The following NMUR1 variants were observed in gnomAD, a reference collection of about 807,000 sequenced individuals.
NMUR1 encodes neuromedin U receptor 1, also known as neuromedin-U receptor 1.
NMUR1 carries 16 observed loss-of-function variants against 18.8 expected under a neutral mutation model. That is an observed-to-expected ratio of 0.85 (90% CI 0.58 to 1.29). The LOEUF (loss-of-function observed/expected upper bound fraction) is 1.29, where lower values mean the gene tolerates loss of function less well. Among genes scored for constraint, NMUR1 ranks in the 50% most tolerant of loss-of-function variants. The pLI is 0.00. For missense variants in NMUR1, 529 were observed against 580.3 expected, an observed-to-expected ratio of 0.91 and a Z score of 0.91; for synonymous variants, 258 against 258.2, an observed-to-expected ratio of 1.00 and a Z score of 0.01.
intron 2 of NMUR1, among the ~76,000 whole-genome samples, chr2:231,527,206 C>T (rs924587252): frequency 6.6e-6 from 1 of 152,162 alleles, no homozygotes; most frequent in Non-Finnish European, 1.5e-5. Context: ...TGGGGCATGA[C>T]CTAGGCCACG....
At position 231,530,286 on chromosome 2, in the gene NMUR1, A is replaced by T. The variant is rs2047401856; in HGVS notation, c.3+73T>A. On this transcript the variant is annotated intron_variant, in intron 1 of 2. Coordinates refer to ENST00000305141, the MANE Select transcript of NMUR1 (RefSeq NM_006056.5). ...GGAGCCCTCGGACCCTTCCCGCCCT[A>T]GGACGACCCTGCCCGCACCGAGCCC... is the stretch of plus-strand genomic sequence containing the variant. The T allele has an allele frequency of 4.7e-6, 7 of 1,487,236 alleles. No homozygotes were observed. The African/African-American group carries it at 7.3e-5, about 16-fold the overall frequency. The allele number at this position is 1,487,236 out of a possible 1,614,324, so 92.1% of individuals were successfully genotyped here.
Position 231,528,902 on chromosome 2 carries a change from A to G in NMUR1, c.119T>C (p.Leu40Ser), listed in dbSNP as rs1235769601. 1 of 1,614,036 alleles carries G rather than the reference A, an allele frequency of 6.2e-7. No individual in the cohort carries two copies. The highest frequency in any genetic ancestry group is 1.7e-5 in the Admixed American group (1 of 60,004). Residue 40 changes from leucine to serine, a missense_variant, in exon 2 of 3, where the codon TTG becomes TCG. Coordinates refer to ENST00000305141, the MANE Select transcript of NMUR1 (RefSeq NM_006056.5). ...AARGHFDPED[L>S]NLTDEALRLK... ...TCTCAGTGCCTCGTCAGTCAGGTTC[A>G]AGTCCTCAGGGTCAAAGTGCCCCCT...
chr2:231,528,695 A>G lies in NMUR1; in HGVS notation c.326T>C (p.Val109Ala), dbSNP rs748303060. Residue 109 changes from valine (V) to alanine (A), a missense_variant, in exon 2 of 3, where the codon GTG becomes GCG. Transcript: ENST00000305141. ...LFSLAVSDLL[V>A]LLVGLPLELY... ...CTCCAGGGGCAGGCCCACCAGCAGC[A>G]CCAGCAGGTCCGACACGGCCAGGCT... 19 of 1,614,096 alleles carry G rather than the reference A, an allele frequency of 1.2e-5. No homozygotes were observed. Among genetic ancestry groups the G allele is most frequent in the Non-Finnish European group, 1.6e-5 (19 of 1,180,026 alleles).
Position 231,524,162 on chromosome 2 carries a change from C to T in NMUR1, c.*881G>A, listed in dbSNP as rs2047331025. The T allele has an allele frequency of 6.6e-6, 1 of 152,262 alleles. No individual in the cohort carries two copies. Among genetic ancestry groups the T allele is most frequent in the South Asian group, 2.1e-4 (1 of 4,834 alleles). The allele number at this position is 152,262 out of a possible 1,614,324, so 9.4% of individuals were successfully genotyped here. ...TTTATTATAAGCAGTGGCTTACACA[C>T]ACACAGAAAGAAAACCATAGCTAAA... On this transcript the variant is annotated 3_prime_UTR_variant, in exon 3 of 3. Transcript: ENST00000305141.
Position 231,528,772 on chromosome 2 carries a change from C to G in NMUR1, c.249G>C (p.Leu83=). ...VGAVGNGLTC[L]VILRHKAMRT... ...GCATGGCCTTGTGGCGCAGGATGAC[C>G]AGACAGGTCAGCCCATTGCCCACAG... is the stretch of plus-strand genomic sequence containing the variant. The change falls in exon 2 of 3, where the codon CTG becomes CTC. Residue 83 remains leucine (L), a synonymous_variant. Coordinates refer to ENST00000305141, the MANE Select transcript of NMUR1 (RefSeq NM_006056.5). The G allele has an allele frequency of 6.2e-7, 1 of 1,614,220 alleles. No homozygotes were observed. Among genetic ancestry groups the G allele is most frequent in the Middle Eastern group, 1.6e-4 (1 of 6,062 alleles).
rs1304966754 is a variant in NMUR1 at position 231,528,932 on chromosome 2, G to A, written c.89C>T (p.Ala30Val). 8.7e-6 allele frequency: 14 copies of A among 1,613,948 alleles called. No homozygotes were observed. In the Middle Eastern group the frequency reaches 4.9e-4, roughly 57 times the overall value. Reference protein sequence around the residue: ...ARNPMACNGSAARGHFDPEDL... With the variant: ...ARNPMACNGSVARGHFDPEDL... Reference sequence around the variant, plus strand: ...CTCAGGGTCAAAGTGCCCCCTGGCCGCACTGCCATTGCAAGCCATGGGGTT... The same window carrying A: ...CTCAGGGTCAAAGTGCCCCCTGGCCACACTGCCATTGCAAGCCATGGGGTT... The change falls in exon 2 of 3, where the codon GCG (alanine) becomes GTG (valine). Residue 30 changes from alanine (A) to valine (V), a missense_variant. Coordinates refer to ENST00000305141, the MANE Select transcript of NMUR1 (RefSeq NM_006056.5).
chr2:231,528,984 CAGGG>C lies in NMUR1; in HGVS notation c.33_36del (p.Pro12GlufsTer28). 1 of 1,612,504 alleles carries C rather than the reference CAGGG, an allele frequency of 6.2e-7. No homozygotes were observed. ...CTTGCACCCCCTGGGTACAGGTCTC[CAGGG>C]AGGACAGAGCAATTGAGGCAGAGAG... On this transcript the variant is annotated frameshift_variant, in exon 2 of 3. Transcript: ENST00000305141. LOFTEE classifies it high-confidence loss of function.
rs139422374 is a variant in NMUR1, at chr2:231,528,811, G to C, written c.210C>G (p.Ile70Met). Residue 70 changes from isoleucine (I) to methionine (M), a missense_variant, in exon 2 of 3, where the codon ATC (isoleucine) becomes ATG (methionine). Coordinates refer to ENST00000305141, the MANE Select transcript of NMUR1 (RefSeq NM_006056.5). ...CATTGCCCACAGCGCCCACCACGAAGATCAGCAGGTATGTGGCACAGATGG... is the reference window on the plus strand; with the variant it reads ...CATTGCCCACAGCGCCCACCACGAACATCAGCAGGTATGTGGCACAGATGG... The part of the protein sequence containing the change: ...FMPICATYLL[I>M]FVVGAVGNGL... 4.6e-5 allele frequency: 75 copies of C among 1,614,242 alleles called. No individual in the cohort carries two copies. The African/African-American group carries it at 5.5e-4, about 12-fold the overall frequency.
In NMUR1 at chr2:231,525,557, G is replaced by A. The variant is rs917534721; in HGVS notation, c.899-132C>T. On this transcript the variant is annotated intron_variant, in intron 2 of 2. Transcript: ENST00000305141. The stretch of plus-strand genomic sequence containing the variant: ...GCCACCCTCACCTATCACCCAGGTG[G>A]AAGTTTCTGGAAATTTGCCTGTTCT... The A allele has an allele frequency of 7.6e-6, 8 of 1,059,366 alleles. No individual in the cohort carries two copies. The Middle Eastern group carries it at 9.5e-4, about 126-fold the overall frequency. The allele number at this position is 1,059,366 out of a possible 1,614,324, so 65.6% of individuals were successfully genotyped here. A position where few individuals can be genotyped will look rare whatever the true frequency, so the allele number is the denominator to read the frequency against.
At chr2:231,520,967 G>A (rs965574966), downstream of NMUR1, among the ~76,000 whole-genome samples, 7 of 152,208 alleles carry the variant, frequency 4.6e-5, no homozygotes, top group African/African-American at 7.2e-5. Flanking sequence ...CCTCAGGAAC[G>A]CTGGCAGAGT....
downstream of NMUR1, among the ~76,000 whole-genome samples, chr2:231,521,691 G>T (rs901402466): frequency 6.6e-6 from 1 of 152,160 alleles, no homozygotes; most frequent in Non-Finnish European, 1.5e-5. Flanking sequence ...GTCGGAAGGG[G>T]AGGTGACTTG....
downstream of NMUR1, among the ~76,000 whole-genome samples, chr2:231,521,191 C>G (rs1211678459): frequency 6.6e-6 from 1 of 152,162 alleles, no homozygotes; most frequent in Non-Finnish European, 1.5e-5. Flanking sequence ...GCCTGGGCAA[C>G]ATGGCGAGAC....
rs149953749 is a variant in NMUR1, at chr2:231,525,322, G to A, written c.1002C>T (p.Phe334=). The A allele has an allele frequency of 1.9e-6, 3 of 1,614,032 alleles. No homozygotes were observed. In the African/African-American group the frequency reaches 4.0e-5, roughly 22 times the overall value. ...TGCCGGAGATGACGTGCACGTGCTG[G>A]AAGGCCAGGTGCAGGCCATCTGTCC... ...SQWTDGLHLA[F]QHVHVISGIF... The change falls in exon 3 of 3, where the codon TTC becomes TTT. Residue 334 remains phenylalanine, a synonymous_variant. Coordinates refer to ENST00000305141, the MANE Select transcript of NMUR1 (RefSeq NM_006056.5).
In NMUR1 at chr2:231,524,482, G is replaced by A. The variant is rs1312886070; in HGVS notation, c.*561C>T. ...AGGCAGGAGAATCGCTTGAACCCCG[G>A]AGGCGGAGGTTGCAGTGAGCCAAAA... On this transcript the variant is annotated 3_prime_UTR_variant, in exon 3 of 3. Coordinates refer to ENST00000305141, the MANE Select transcript of NMUR1 (RefSeq NM_006056.5). 1.3e-5 allele frequency: 2 copies of A among 152,468 alleles called. No homozygotes were observed. The highest frequency in any genetic ancestry group is 2.9e-5 in the Non-Finnish European group (2 of 68,218). 9.4% of individuals were successfully genotyped at this position (152,468 alleles called of 1,614,324 possible). A position where few individuals can be genotyped will look rare whatever the true frequency, so the allele number is the denominator to read the frequency against.
At chr2:231,526,137 C>G (rs1279314990) in intron 2 of NMUR1, among the ~76,000 whole-genome samples, 1 of 136,868 alleles carries the variant, frequency 7.3e-6, no homozygotes, top group Non-Finnish European at 1.6e-5. Flanking sequence ...GGCAAACCTT[C>G]ACTTTCTCCC....
intron 1 of NMUR1, among the ~76,000 whole-genome samples, chr2:231,529,545 G>T (rs747436277): frequency 6.6e-6 from 1 of 151,850 alleles, no homozygotes; most frequent in Non-Finnish European, 1.5e-5. Flanking sequence ...TAAATTTCAT[G>T]ATCTATTGGA....
downstream of NMUR1, among the ~76,000 whole-genome samples, chr2:231,519,940 A>G (rs752970444): frequency 1.3e-5 from 2 of 152,198 alleles, no homozygotes; most frequent in African/African-American, 2.4e-5. Context: ...AAATAAGATA[A>G]GAAGATAAGA....
At chr2:231,526,443 C>G (rs1160693414) in intron 2 of NMUR1, among the ~76,000 whole-genome samples, 1 of 152,166 alleles carries the variant, frequency 6.6e-6, no homozygotes, top group Non-Finnish European at 1.5e-5. Flanking sequence ...AGCCCACCTT[C>G]CAGGGGTGAG....
In NMUR1 at chr2:231,528,571, G is replaced by A. The variant is rs763173151; in HGVS notation, c.450C>T (p.Leu150=). Residue 150 remains leucine, a synonymous_variant, in exon 2 of 3, where the codon CTC becomes CTT. Coordinates refer to ENST00000305141, the MANE Select transcript of NMUR1 (RefSeq NM_006056.5). Reference sequence around the variant, plus strand: ...GTTCCACGCTCAGGGCAGTGACGTTGAGCACTGAGGCCAGGCAGACCATCT... The same window carrying A: ...GTTCCACGCTCAGGGCAGTGACGTTAAGCACTGAGGCCAGGCAGACCATCT... The part of the protein sequence containing the change: ...LFEMVCLASV[L]NVTALSVERY... The A allele has an allele frequency of 6.2e-7, 1 of 1,614,122 alleles. No individual in the cohort carries two copies. The highest frequency in any genetic ancestry group is 1.7e-5 in the Admixed American group (1 of 60,036).
Sources: gnomAD v4.1 joint callset for allele counts (sites outside exome capture counted in the v4.1 genomes callset) on GRCh38, gnomAD v4.1.1 for gene constraint, MANE v1.5 for transcripts, NCBI Gene and HGNC (gene_info 2026-07-23, HGNC 2026-07-21) for gene names.